Variants in AATK observed in about 807,000 individuals in gnomAD.
AATK encodes the protein serine/threonine-protein kinase LMTK1.
AATK carries 91 observed loss-of-function variants against 114.3 expected under a neutral mutation model. The observed-to-expected ratio is 0.80, with a 90% CI of 0.67 to 0.95. The LOEUF (loss-of-function observed/expected upper bound fraction) is 0.95, where lower values mean the gene tolerates loss of function less well. AATK is among the 40% of genes least tolerant of loss of function. The probability of loss-of-function intolerance (pLI) is 0.00; values close to 1 mark genes in which losing one functional copy is unlikely to be tolerated. For missense variants in AATK, 2,176 were observed against 1,965.2 expected (o/e 1.11, Z -2.03); for synonymous variants, 1,075 against 916.5 (o/e 1.17, Z -3.12).
At position 81,131,931 on chromosome 17, in the gene AATK, G is replaced by C. The variant is rs759581653; in HGVS notation, c.190-726C>G. The C allele has an allele frequency of 2.2e-6, 3 of 1,344,784 alleles. No individual in the cohort carries two copies. In the Admixed American group the frequency reaches 6.0e-5, roughly 27 times the overall value. 83.3% of individuals were successfully genotyped at this position (1,344,784 alleles called of 1,614,324 possible). On this transcript the variant is annotated intron_variant, in intron 2 of 13. Transcript: ENST00000326724. The stretch of plus-strand genomic sequence containing the variant: ...CACCGCCATCTGCCCCAGCAGCCTT[G>C]GACCTTCACCTGGTGGCCACACCAC...
At chr17:81,141,092 G>T (rs1166977980) in intron 1 of AATK, among the ~76,000 whole-genome samples, 3 of 151,958 alleles carry the variant, frequency 2.0e-5, no homozygotes, top group African/African-American at 7.3e-5. Context: ...GATGCAAGGG[G>T]CTGGAAAGGC....
At chr17:81,156,466 C>T (rs139453039) in intron 1 of AATK, among the ~76,000 whole-genome samples, 1,985 of 152,214 alleles carry the variant, frequency 0.013, 52 homozygotes, top group African/African-American at 0.045. Flanking sequence ...TGGTGCTTCT[C>T]GGCTCACTGC....
intron 1 of AATK, among the ~76,000 whole-genome samples, chr17:81,147,884 G>A (rs2061242655): frequency 6.6e-6 from 1 of 152,154 alleles, no homozygotes; most frequent in Non-Finnish European, 1.5e-5. Flanking sequence ...GTAGGGCCTG[G>A]TGTATAGACA....
rs546027734 is a variant in AATK, at chr17:81,166,173, G to C, written c.-181C>G. On this transcript the variant is annotated 5_prime_UTR_variant, in exon 1 of 14. Coordinates refer to ENST00000326724, the MANE Select transcript of AATK (RefSeq NM_001080395.3). ...ACCGGTGGGGGCGGCGGCGACAGAC[G>C]AGGCGCTCCGCCCGGCCCTGGCGCC... 2.5e-4 allele frequency: 48 copies of C among 189,724 alleles called. No homozygotes were observed. The highest frequency in any genetic ancestry group is 1.1e-3 in the African/African-American group (44 of 40,674). The allele number at this position is 189,724 out of a possible 1,614,324, so 11.8% of individuals were successfully genotyped here. A position where few individuals can be genotyped will look rare whatever the true frequency, so the allele number is the denominator to read the frequency against.
intron 1 of AATK, among the ~76,000 whole-genome samples, chr17:81,151,967 G>A (rs193021397): frequency 1.3e-5 from 2 of 152,242 alleles, no homozygotes; most frequent in Admixed American, 6.5e-5. Context: ...GCAGTGCCAC[G>A]CTTGCCTTCA....
rs563324839 is a variant in AATK at position 81,133,268 on chromosome 17, G to A, written c.189+1100C>T. The A allele has an allele frequency of 6.3e-6, 3 of 478,544 alleles. No homozygotes were observed. The East Asian group carries it at 1.8e-4, about 29-fold the overall frequency. The allele number at this position is 478,544 out of a possible 1,614,324, so 29.6% of individuals were successfully genotyped here. The stretch of plus-strand genomic sequence containing the variant: ...ATGTGGCCTTTAGAAAAGGCAAAAA[G>A]GCCACATCCAGCACCGTCACCTGCC... On this transcript the variant is annotated intron_variant, in intron 2 of 13. Transcript: ENST00000326724.
At chr17:81,152,082 C>G (rs2061306687) in intron 1 of AATK, among the ~76,000 whole-genome samples, 1 of 152,008 alleles carries the variant, frequency 6.6e-6, no homozygotes, top group Non-Finnish European at 1.5e-5. Flanking sequence ...CGAGACCAGC[C>G]TGGCCAACAT....
chr17:81,156,256 C>A (rs200268121), intron 1 of AATK, among the ~76,000 whole-genome samples: 1 of 151,442 alleles, frequency 6.6e-6, no homozygotes, highest in Non-Finnish European at 1.5e-5. Flanking sequence ...ATGTATGTTA[C>A]CATGTTACAA....
chr17:81,163,839 C>T lies in AATK; in HGVS notation c.55+2099G>A, dbSNP rs573304439. ...CCAGTTCCTGCGATGAACAAGGAGC[C>T]GGCCCGGCAGCGGGGCAGGGCCTGG... is the stretch of plus-strand genomic sequence containing the variant. On this transcript the variant is annotated intron_variant, in intron 1 of 13. Coordinates refer to ENST00000326724, the MANE Select transcript of AATK (RefSeq NM_001080395.3). Among the ~76,000 whole-genome samples the T allele has an allele frequency of 1.2e-3, 188 of 152,240 alleles. 1 individual carries two copies. The highest frequency in any genetic ancestry group is 7.1e-4 in the Non-Finnish European group (48 of 68,044).
chr17:81,136,675 C>A (rs911665224), intron 1 of AATK, among the ~76,000 whole-genome samples: 2 of 152,218 alleles, frequency 1.3e-5, no homozygotes, highest in Non-Finnish European at 2.9e-5. Context: ...TTCAGCACCA[C>A]GTGCTGACTC....
At position 81,119,948 on chromosome 17, in the gene AATK, TGGAGCCATTTGG is replaced by T; in HGVS notation, c.3859_3870del (p.Pro1287_Ser1290del). The T allele has an allele frequency of 1.4e-6, 2 of 1,446,214 alleles. No homozygotes were observed. The highest frequency in any genetic ancestry group is 1.5e-5 in the South Asian group (1 of 68,646). The allele number at this position is 1,446,214 out of a possible 1,614,324, so 89.6% of individuals were successfully genotyped here. A position where few individuals can be genotyped will look rare whatever the true frequency, so the allele number is the denominator to read the frequency against. ...CGCCCCTGCTCACCCTCTTCCGCTG[TGGAGCCATTTGG>T]GGAGCCATCAGCCTGCTGCGGCCGG... is the stretch of plus-strand genomic sequence containing the variant. On this transcript the variant is annotated inframe_deletion, in exon 12 of 14. Coordinates refer to ENST00000326724, the MANE Select transcript of AATK (RefSeq NM_001080395.3).
chr17:81,120,757 A>G lies in AATK; in HGVS notation c.3179T>C (p.Leu1060Pro). Reference sequence around the variant, plus strand: ...CTCTGGGGAGGACCCTTCAAGCTGCAGCAGTGGGGGCAGCACCTCCCCGGG... The same window carrying G: ...CTCTGGGGAGGACCCTTCAAGCTGCGGCAGTGGGGGCAGCACCTCCCCGGG... ...SGPGEVLPPL[L>P]QLEGSSPEPS... The change falls in exon 11 of 14, where the codon CTG becomes CCG. Residue 1060 changes from leucine (L) to proline (P), a missense_variant. Transcript: ENST00000326724. The G allele has an allele frequency of 6.3e-7, 1 of 1,577,170 alleles. No homozygotes were observed. Among genetic ancestry groups the G allele is most frequent in the Non-Finnish European group, 8.6e-7 (1 of 1,162,036 alleles).
At chr17:81,143,463 C>A (rs1173866863) in intron 1 of AATK, among the ~76,000 whole-genome samples, 3 of 105,274 alleles carry the variant, frequency 2.8e-5, no homozygotes, top group Non-Finnish European at 5.7e-5. Flanking sequence ...ATGCAGCCCC[C>A]ACCCCTTGTG....
Position 81,124,998 on chromosome 17 carries a change from TC to T in AATK, c.771del (p.Asn258ThrfsTer8). The part of the protein sequence containing the change: ...NNFVHSDLAL[R>X]NCLLTADLTV... ...GTCAGGTCAGCCGTGAGCAGGCAGT[TC>T]CGCAGGGCCAGGTCGCTGCAGGCAG... is the stretch of plus-strand genomic sequence containing the variant. On this transcript the variant is annotated frameshift_variant, in exon 8 of 14. Transcript: ENST00000326724. LOFTEE classifies it high-confidence loss of function. The T allele has an allele frequency of 6.4e-7, 1 of 1,555,562 alleles. No individual in the cohort carries two copies. Among genetic ancestry groups the T allele is most frequent in the Non-Finnish European group, 8.7e-7 (1 of 1,149,994 alleles).
intron 1 of AATK, among the ~76,000 whole-genome samples, chr17:81,148,049 T>C (rs2061244625): frequency 8.3e-6 from 1 of 120,766 alleles, no homozygotes; most frequent in Non-Finnish European, 1.6e-5. Context: ...TTACAAATCC[T>C]GATCACAACT....
At chr17:81,163,301 G>T (rs760527480) in intron 1 of AATK, among the ~76,000 whole-genome samples, 1 of 152,156 alleles carries the variant, frequency 6.6e-6, no homozygotes, top group Non-Finnish European at 1.5e-5. Flanking sequence ...GAGCAACAAG[G>T]CCAGCCCCCT....
chr17:81,118,415 C>G lies in AATK; in HGVS notation c.4112G>C (p.Ser1371Thr). 6.2e-7 allele frequency: 1 copy of G among 1,608,690 alleles called. No individual in the cohort carries two copies. The highest frequency in any genetic ancestry group is 8.5e-7 in the Non-Finnish European group (1 of 1,178,290). The change falls in exon 14 of 14, where the codon AGT becomes ACT. Residue 1371 changes from serine (S) to threonine (T), a missense_variant. Ser to Thr is a moderately conservative substitution (Grantham distance 58). This residue lies in a region of AATK where 1,701 missense variants were observed against 1,394.7 expected (regional missense o/e 1.22). Coordinates refer to ENST00000326724, the MANE Select transcript of AATK (RefSeq NM_001080395.3). Reference protein sequence around the residue: ...RGPEAGAGGESKEA With the variant: ...RGPEAGAGGETKEA Reference sequence around the variant, plus strand: ...GCTGCCCAGGTCTCAAGCCTCTTTACTCTCACCCCCGGCACCAGCTTCAGG... The same window carrying G: ...GCTGCCCAGGTCTCAAGCCTCTTTAGTCTCACCCCCGGCACCAGCTTCAGG...
At chr17:81,148,048 C>T (rs2061244578) in intron 1 of AATK, among the ~76,000 whole-genome samples, 1 of 124,960 alleles carries the variant, frequency 8.0e-6, no homozygotes, top group Admixed American at 9.9e-5. Flanking sequence ...TTTACAAATC[C>T]TGATCACAAC....
chr17:81,138,389 GCA>G (rs1218977276), intron 1 of AATK, among the ~76,000 whole-genome samples: 6 of 135,360 alleles, frequency 4.4e-5, no homozygotes, highest in Non-Finnish European at 7.8e-5. Context: ...GGGCACACGT[GCA>G]CACACACCCC....
Sources: allele counts gnomAD v4.1 joint callset (sites outside exome capture counted in the v4.1 genomes callset), GRCh38; gene constraint gnomAD v4.1.1; regional missense constraint gnomAD v4.1.1; transcripts MANE v1.5; gene names NCBI Gene and HGNC (gene_info 2026-07-23, HGNC 2026-07-21).